CYP3A4: variants seen among roughly 807,000 people sequenced by gnomAD.
CYP3A4 encodes cytochrome P450 3A4.
CYP3A4 carries 41 observed loss-of-function variants against 54.9 expected under a neutral mutation model. That is an observed-to-expected ratio of 0.75 (90% confidence interval 0.58 to 0.97). The LOEUF (loss-of-function observed/expected upper bound fraction) is 0.97, where lower values mean the gene tolerates loss of function less well. Ranked by LOEUF, CYP3A4 falls within the 50% of genes least tolerant of loss-of-function variation. CYP3A4 has a pLI of 0.00. For synonymous variants in CYP3A4, 179 were observed against 205.2 expected (o/e 0.87, Z 1.09); for missense variants, 510 against 597.3 (o/e 0.85, Z 1.52).
intron 3 of CYP3A4, among the ~76,000 whole-genome samples, chr7:99,775,388 A>G (rs1156718625): frequency 6.6e-6 from 1 of 152,166 alleles, no homozygotes; most frequent in African/African-American, 2.4e-5. Flanking sequence ...AGACAAGACA[A>G]TCCTAAGCAA....
Position 99,757,868 on chromosome 7 carries a change from G to C in CYP3A4, c.*265C>G, listed in dbSNP as rs889600655. The C allele has an allele frequency of 3.9e-4, 152 of 387,062 alleles. No individual in the cohort carries two copies. The highest frequency in any genetic ancestry group is 1.1e-4 in the Non-Finnish European group (23 of 209,944). The allele number at this position is 387,062 out of a possible 1,614,324, so 24.0% of individuals were successfully genotyped here. ...GGAGGAGTTAATGGTGCTAACTGGGGGTGGTGGAAATAGTCCCGTGAGAAG... is the reference window on the plus strand; with the variant it reads ...GGAGGAGTTAATGGTGCTAACTGGGCGTGGTGGAAATAGTCCCGTGAGAAG... On this transcript the variant is annotated 3_prime_UTR_variant, in exon 13 of 13. Coordinates refer to ENST00000651514, the MANE Select transcript of CYP3A4 (RefSeq NM_017460.6).
At chr7:99,777,915 A>T in intron 3 of CYP3A4, 113 bp downstream of exon 3, 1 of 806,058 alleles carries the variant, frequency 1.2e-6, no homozygotes, top group Non-Finnish European at 2.1e-6. Flanking sequence ...GTTTGTAGTT[A>T]GGTTGACAAG....
At position 99,769,858 on chromosome 7, in the gene CYP3A4, T is replaced by A; in HGVS notation, c.433-2A>T. ...ATACTGGGCAATGATAGGGACCATC[T>A]AAGCACAAAACACAACACCACCCAT... On this transcript the variant is annotated splice_acceptor_variant, in intron 5 of 12. Transcript: ENST00000651514. LOFTEE classifies it high-confidence loss of function. 6.2e-7 allele frequency: 1 copy of A among 1,613,984 alleles called. No homozygotes were observed. Among genetic ancestry groups the A allele is most frequent in the African/African-American group, 1.3e-5 (1 of 75,030 alleles).
chr7:99,772,725 A>G, intron 3 of CYP3A4, 36 bp from the exon 4 acceptor site: 1 of 1,607,416 alleles, frequency 6.2e-7, no homozygotes, highest in Non-Finnish European at 8.5e-7. Flanking sequence ...AAACATCAAC[A>G]GCCTTATTCT....
intron 4 of CYP3A4, 43 bp downstream of exon 4, chr7:99,772,547 A>T: frequency 6.2e-7 from 1 of 1,608,694 alleles, no homozygotes; most frequent in Non-Finnish European, 8.5e-7. Flanking sequence ...CAAAATATAA[A>T]TTTAATCAAT....
At chr7:99,765,243 A>T (rs1193320959) in intron 9 of CYP3A4, among the ~76,000 whole-genome samples, 1 of 152,224 alleles carries the variant, frequency 6.6e-6, no homozygotes, top group African/African-American at 2.4e-5. Context: ...TTATTAAATT[A>T]AACTGAAATA....
Position 99,760,814 on chromosome 7 carries a change from C to T in CYP3A4, c.1416+5G>A, listed in dbSNP as rs778973808. 5.0e-6 allele frequency: 8 copies of T among 1,613,594 alleles called. No individual in the cohort carries two copies. In the South Asian group the frequency reaches 8.8e-5, roughly 18 times the overall value. On this transcript the variant is annotated splice_donor_5th_base_variant and intron_variant, in intron 12 of 12. Transcript: ENST00000651514. ...CAACATTATTTTTATAGAAAATTGA[C>T]TAACCTGTGTTTCTTTACAAGGTTT...
chr7:99,769,917 A>G, intron 5 of CYP3A4, 61 bp from the exon 6 acceptor site: 3 of 1,611,170 alleles, frequency 1.9e-6, no homozygotes, highest in Non-Finnish European at 2.5e-6. Flanking sequence ...CCAGAAGGAC[A>G]TGGCTTTCCC....
At chr7:99,762,336 A>T in intron 10 of CYP3A4, 69 bp from the exon 11 acceptor site, 6 of 1,554,060 alleles carry the variant, frequency 3.9e-6, no homozygotes, top group Non-Finnish European at 5.3e-6. Flanking sequence ...TCCATGCAGT[A>T]CTAATGAAGT....
chr7:99,768,033 A>AT (rs1815518673), intron 7 of CYP3A4, among the ~76,000 whole-genome samples: 1 of 152,248 alleles, frequency 6.6e-6, no homozygotes, highest in African/African-American at 2.4e-5. Flanking sequence ...GAACTAGAGA[A>AT]TAAAAAACCC....
At chr7:99,761,583 C>T (rs982290107) in intron 11 of CYP3A4, among the ~76,000 whole-genome samples, 3 of 152,088 alleles carry the variant, frequency 2.0e-5, no homozygotes, top group Non-Finnish European at 2.9e-5. Flanking sequence ...TGCTACTGTA[C>T]CGATGTAATG....
At chr7:99,776,052 T>C (rs558501646) in intron 3 of CYP3A4, among the ~76,000 whole-genome samples, 7 of 152,292 alleles carry the variant, frequency 4.6e-5, no homozygotes, top group Admixed American at 4.6e-4. Flanking sequence ...CAGACACTTC[T>C]CAAAAGAAGA....
rs1398757103 is a variant in CYP3A4, at chr7:99,768,491, G to A, written c.533C>T (p.Ala178Val). Reference sequence around the variant, plus strand: ...GCTAGTGATCACATCCATGCTGTAGGCCCCAAAGACGCTGAGTGGAGAAAG... The same window carrying A: ...GCTAGTGATCACATCCATGCTGTAGACCCCAAAGACGCTGAGTGGAGAAAG... ...KPVTLKDVFG[A>V]YSMDVITSTS... The change falls in exon 7 of 13, where the codon GCC becomes GTC. Residue 178 changes from alanine to valine, a missense_variant. Transcript: ENST00000651514. The A allele has an allele frequency of 4.3e-6, 7 of 1,613,716 alleles. No homozygotes were observed. Among genetic ancestry groups the A allele is most frequent in the Non-Finnish European group, 5.9e-6 (7 of 1,179,904 alleles).
intron 4 of CYP3A4, among the ~76,000 whole-genome samples, chr7:99,770,609 G>A (rs1225446441): frequency 6.6e-6 from 1 of 152,040 alleles, no homozygotes; most frequent in East Asian, 1.9e-4. Flanking sequence ...AGACAAGCAG[G>A]TGACTTTGGT....
At position 99,770,407 on chromosome 7, in the gene CYP3A4, C is replaced by T. The variant is rs3914984; in HGVS notation, c.319-172G>A. ...AGATTTATCCCAGATGCCCAGTGTCCTGGGATGTATTTGTGTGGGGCGGGG... is the reference window on the plus strand; with the variant it reads ...AGATTTATCCCAGATGCCCAGTGTCTTGGGATGTATTTGTGTGGGGCGGGG... On this transcript the variant is annotated intron_variant, in intron 4 of 12. Transcript: ENST00000651514. Among the ~76,000 whole-genome samples the T allele has an allele frequency of 1.4e-4, 17 of 120,168 alleles. No homozygotes were observed. In the Admixed American group the frequency reaches 1.7e-3, roughly 12 times the overall value. The allele number at this position is 120,168 out of a possible 152,430, so 78.8% of individuals were successfully genotyped here.
At chr7:99,778,911 A>G (rs1488078669) in intron 2 of CYP3A4, among the ~76,000 whole-genome samples, 1 of 152,198 alleles carries the variant, frequency 6.6e-6, no homozygotes, top group African/African-American at 2.4e-5. Flanking sequence ...AAAATATGAA[A>G]TTCCTGGATA....
intron 12 of CYP3A4, among the ~76,000 whole-genome samples, chr7:99,759,838 A>G (rs1242386946): frequency 6.9e-6 from 1 of 145,582 alleles, no homozygotes; most frequent in Non-Finnish European, 1.5e-5. Context: ...GAAAGGGAAC[A>G]ACATTTTTTT....
chr7:99,766,435 C>T lies in CYP3A4; in HGVS notation c.807G>A (p.Val269=). ...SRLEDTQKHR[V]DFLQLMIDSQ... Reference sequence around the variant, plus strand: ...AGTCAATCATCAGCTGAAGGAAATCCACTCGGTGCTAGAAGCAAAAAGAGA... The same window carrying T: ...AGTCAATCATCAGCTGAAGGAAATCTACTCGGTGCTAGAAGCAAAAAGAGA... Residue 269 remains valine (V), a synonymous_variant, in exon 9 of 13, where the codon GTG becomes GTA. Transcript: ENST00000651514. 4.3e-6 allele frequency: 7 copies of T among 1,613,620 alleles called. No homozygotes were observed. The highest frequency in any genetic ancestry group is 5.9e-6 in the Non-Finnish European group (7 of 1,179,684).
intron 1 of CYP3A4, among the ~76,000 whole-genome samples, chr7:99,781,699 G>A (rs1198664935): frequency 6.6e-6 from 1 of 152,172 alleles, no homozygotes; most frequent in African/African-American, 2.4e-5. Flanking sequence ...TAGCTGAAAA[G>A]CATGGTGTGT....
Sources: allele counts gnomAD v4.1 joint callset (sites outside exome capture counted in the v4.1 genomes callset), GRCh38; gene constraint gnomAD v4.1.1; transcripts MANE v1.5; gene names NCBI Gene and HGNC (gene_info 2026-07-23, HGNC 2026-07-21).